The following CA9 variants were observed in gnomAD, a reference collection of about 807,000 sequenced individuals.
CA9 encodes the protein CA-IX.
A neutral mutation model predicts 51.8 loss-of-function variants in CA9; 43 were observed. The ratio of observed to expected loss-of-function variants is 0.83; its 90% CI spans 0.65 to 1.07. CA9 has a LOEUF of 1.07. Ranked by LOEUF, CA9 falls within the 50% of genes least tolerant of loss-of-function variation. The probability of loss-of-function intolerance (pLI) is 0.00; values close to 1 mark genes in which losing one functional copy is unlikely to be tolerated. For missense variants in CA9, 574 were observed against 581.4 expected (o/e 0.99, Z 0.13); for synonymous variants, 253 against 244.2 (o/e 1.04, Z -0.34).
Position 35,677,854 on chromosome 9 carries a change from AAGGTC to A in CA9, c.907+1_907+5del, listed in dbSNP as rs1461538642. On this transcript the variant is annotated splice_donor_variant and splice_donor_region_variant and coding_sequence_variant and intron_variant, in exon 6 of 11. Coordinates refer to ENST00000378357, the MANE Select transcript of CA9 (RefSeq NM_001216.3). LOFTEE classifies it high-confidence loss of function. ...TCTCGCTTGGAAGAAATCGCTGAGG[AAGGTC>A]AGTTTGTTGGTCTGGCCACTAATCT... The A allele has an allele frequency of 6.2e-7, 1 of 1,613,902 alleles. No homozygotes were observed.
At position 35,676,303 on chromosome 9, in the gene CA9, G is replaced by A. The variant is rs555020546; in HGVS notation, c.754G>A (p.Val252Met). 6.2e-7 allele frequency: 1 copy of A among 1,614,094 alleles called. No individual in the cohort carries two copies. The highest frequency in any genetic ancestry group is 1.1e-5 in the South Asian group (1 of 91,086). The change falls in exon 5 of 11, where the codon GTG becomes ATG. Residue 252 changes from valine to methionine, a missense_variant. Coordinates refer to ENST00000378357, the MANE Select transcript of CA9 (RefSeq NM_001216.3). Reference sequence around the variant, plus strand: ...ACCCTCGTGTCCTTTTCAGATCCACGTGGTTCACCTCAGCACCGCCTTTGC... The same window carrying A: ...ACCCTCGTGTCCTTTTCAGATCCACATGGTTCACCTCAGCACCGCCTTTGC... ...EGHRFPAEIH[V>M]VHLSTAFARV...
At chr9:35,680,288 T>G (rs1376438602) in intron 9 of CA9, 149 bp downstream of exon 9, 1 of 886,452 alleles carries the variant, frequency 1.1e-6, no homozygotes, top group African/African-American at 1.6e-5. Context: ...ATGGTGGGGA[T>G]TCCCCCATTG....
chr9:35,675,172 T>C lies in CA9; in HGVS notation c.404-366T>C, dbSNP rs1475551854. The C allele has an allele frequency of 2.5e-5, 6 of 239,482 alleles. No homozygotes were observed. The South Asian group carries it at 3.1e-4, about 12-fold the overall frequency. The allele number at this position is 239,482 out of a possible 1,614,324, so 14.8% of individuals were successfully genotyped here. On this transcript the variant is annotated intron_variant, in intron 1 of 10. Transcript: ENST00000378357. The stretch of plus-strand genomic sequence containing the variant: ...CCACGCCCGGCTAATTTTTGTATTT[T>C]TAGTAGAGACGGGGTTTCGCCATGT...
chr9:35,677,668 T>C, intron 5 of CA9, 122 bp from the exon 6 acceptor site: 1 of 730,358 alleles, frequency 1.4e-6, no homozygotes, highest in Non-Finnish European at 2.4e-6. Flanking sequence ...CAATTTTATG[T>C]TCCCTCAGCA....
At position 35,674,261 on chromosome 9, in the gene CA9, A is replaced by G. The variant is rs201318433; in HGVS notation, c.302A>G (p.Lys101Arg). ...GEEDLPEVKP[K>R]SEEEGSLKLE... ...GAGGATCTACCTGAAGTTAAGCCTA[A>G]ATCAGAAGAAGAGGGCTCCCTGAAG... The change falls in exon 1 of 11, where the codon AAA (lysine) becomes AGA (arginine). Residue 101 changes from lysine (K) to arginine (R), a missense_variant. Physicochemically the swap from Lys to Arg is conservative, Grantham distance 26 (BLOSUM62 2). Coordinates refer to ENST00000378357, the MANE Select transcript of CA9 (RefSeq NM_001216.3). The G allele has an allele frequency of 7.4e-6, 12 of 1,614,038 alleles. No homozygotes were observed. In the East Asian group the frequency reaches 2.7e-4, roughly 36 times the overall value.
chr9:35,676,251 G>A, intron 4 of CA9, 45 bp downstream of exon 4: 1 of 1,613,658 alleles, frequency 6.2e-7, no homozygotes. Flanking sequence ...GCGGGGCGGA[G>A]CGGGGCCAGA....
At chr9:35,676,443 C>G (rs568773518) in intron 5 of CA9, 54 bp downstream of exon 5, 1 of 1,415,138 alleles carries the variant, frequency 7.1e-7, no homozygotes, top group South Asian at 1.2e-5. Flanking sequence ...ATGCTCCTCC[C>G]GGACTCTATC....
Position 35,675,765 on chromosome 9 carries a change from C to T in CA9, c.438C>T (p.Asp146=), listed in dbSNP as rs1163391700. 4 of 1,601,224 alleles carry T rather than the reference C, an allele frequency of 2.5e-6. No homozygotes were observed. The highest frequency in any genetic ancestry group is 3.4e-6 in the Non-Finnish European group (4 of 1,178,250). ...DDQSHWRYGG[D]PPWPRVSPAC... is the part of the protein sequence containing the mutation. ...CACTATACTCTCCCACCCCAGGCGA[C>T]CCGCCCTGGCCCCGGGTGTCCCCAG... The change falls in exon 3 of 11, where the codon GAC becomes GAT. Residue 146 remains aspartate, a synonymous_variant. Coordinates refer to ENST00000378357, the MANE Select transcript of CA9 (RefSeq NM_001216.3).
Position 35,677,864 on chromosome 9 carries a change from T to C in CA9, c.907+8T>C. Reference sequence around the variant, plus strand: ...AAGAAATCGCTGAGGAAGGTCAGTTTGTTGGTCTGGCCACTAATCTCTGTG... The same window carrying C: ...AAGAAATCGCTGAGGAAGGTCAGTTCGTTGGTCTGGCCACTAATCTCTGTG... On this transcript the variant is annotated splice_region_variant and intron_variant, in intron 6 of 10. Coordinates refer to ENST00000378357, the MANE Select transcript of CA9 (RefSeq NM_001216.3). 5.0e-6 allele frequency: 8 copies of C among 1,613,232 alleles called. No individual in the cohort carries two copies. The highest frequency in any genetic ancestry group is 6.8e-6 in the Non-Finnish European group (8 of 1,179,176).
intron 7 of CA9, 42 bp downstream of exon 7, chr9:35,679,384 A>G (rs1824485993): frequency 1.3e-5 from 21 of 1,579,032 alleles, no homozygotes; most frequent in Non-Finnish European, 1.8e-5. Context: ...TGCGGGGGAA[A>G]GAGGATGTAA....
At chr9:35,678,600 T>C (rs1824469406) in intron 6 of CA9, among the ~76,000 whole-genome samples, 1 of 152,042 alleles carries the variant, frequency 6.6e-6, no homozygotes, top group Non-Finnish European at 1.5e-5. Flanking sequence ...TCTGCTAGAC[T>C]AGGTAGAACT....
intron 6 of CA9, among the ~76,000 whole-genome samples, chr9:35,678,360 A>G (rs1308429598): frequency 2.0e-5 from 3 of 151,588 alleles, no homozygotes; most frequent in East Asian, 1.9e-4. Context: ...AAAAAAAAAA[A>G]AAAAGAAAAC....
chr9:35,680,418 T>C (rs992390610), intron 9 of CA9, among the ~76,000 whole-genome samples: 3 of 152,148 alleles, frequency 2.0e-5, no homozygotes, highest in African/African-American at 7.2e-5. Flanking sequence ...GCTGGGGTGT[T>C]GTGGCACGAT....
chr9:35,677,941 T>A, intron 6 of CA9, 85 bp downstream of exon 6: 1 of 1,124,020 alleles, frequency 8.9e-7, no homozygotes, highest in Non-Finnish European at 1.4e-6. Context: ...AGGCTGGAGA[T>A]GGGCTCCCTC....
intron 5 of CA9, among the ~76,000 whole-genome samples, chr9:35,676,946 G>A (rs1377916352): frequency 6.6e-6 from 1 of 152,094 alleles, no homozygotes; most frequent in Admixed American, 6.5e-5. Flanking sequence ...TCCGCCTCCC[G>A]GGTTCAAGGG....
Position 35,676,354 on chromosome 9 carries a change from C to T in CA9, c.805C>T (p.Pro269Ser), listed in dbSNP as rs777345325. Residue 269 changes from proline to serine, a missense_variant, in exon 5 of 11, where the codon CCG becomes TCG. Physicochemically the swap from Pro to Ser is moderately conservative, Grantham distance 74. Coordinates refer to ENST00000378357, the MANE Select transcript of CA9 (RefSeq NM_001216.3). ...FARVDEALGRPGGLAVLAAFL... is the reference protein window; with the variant it reads ...FARVDEALGRSGGLAVLAAFL... ...CAGAGTTGACGAGGCCTTGGGGCGC[C>T]CGGGAGGCCTGGCCGTGTTGGCCGC... The T allele has an allele frequency of 6.2e-7, 1 of 1,614,008 alleles. No individual in the cohort carries two copies. Among genetic ancestry groups the T allele is most frequent in the Non-Finnish European group, 8.5e-7 (1 of 1,179,988 alleles).
chr9:35,680,901 C>A, intron 10 of CA9, 64 bp from the exon 11 acceptor site: 8 of 1,607,602 alleles, frequency 5.0e-6, no homozygotes, highest in Non-Finnish European at 6.8e-6. Context: ...TCATGCAAAG[C>A]GCATGCAAAT....
rs762605788 is a variant in CA9, at chr9:35,674,091, G to C, written c.132G>C (p.Gln44His). 1.1e-5 allele frequency: 18 copies of C among 1,614,082 alleles called. No individual in the cohort carries two copies. Among genetic ancestry groups the C allele is most frequent in the Non-Finnish European group, 1.5e-5 (18 of 1,180,036 alleles). The change falls in exon 1 of 11, where the codon CAG becomes CAC. Residue 44 changes from glutamine to histidine, a missense_variant. Physicochemically the swap from Gln to His is conservative, Grantham distance 24. Coordinates refer to ENST00000378357, the MANE Select transcript of CA9 (RefSeq NM_001216.3). ...PVHPQRLPRM[Q>H]EDSPLGGGSS... Reference sequence around the variant, plus strand: ...ATCCCCAGAGGTTGCCCCGGATGCAGGAGGATTCCCCCTTGGGAGGAGGCT... The same window carrying C: ...ATCCCCAGAGGTTGCCCCGGATGCACGAGGATTCCCCCTTGGGAGGAGGCT...
Position 35,680,145 on chromosome 9 carries a change from T to G in CA9, c.1237+6T>G. On this transcript the variant is annotated splice_donor_region_variant and intron_variant, in intron 9 of 10. Coordinates refer to ENST00000378357, the MANE Select transcript of CA9 (RefSeq NM_001216.3). ...GAATTCCTGCCTGGCTGCTGGTGAG[T>G]CTGCCCCTCCTCTTGGTCCTGATGC... The G allele has an allele frequency of 6.2e-7, 1 of 1,614,090 alleles. No homozygotes were observed. The highest frequency in any genetic ancestry group is 8.5e-7 in the Non-Finnish European group (1 of 1,180,014).
Sources: allele counts gnomAD v4.1 joint callset (sites outside exome capture counted in the v4.1 genomes callset), GRCh38; gene constraint gnomAD v4.1.1; transcripts MANE v1.5; gene names NCBI Gene and HGNC (gene_info 2026-07-23, HGNC 2026-07-21).